Variants in CARMIL1 observed in about 807,000 individuals in gnomAD.
CARMIL1 encodes F-actin-uncapping protein LRRC16A.
Under a neutral mutation model 177.1 loss-of-function variants are expected in CARMIL1, and 90 were observed. The observed-to-expected ratio is 0.51, with a 90% CI of 0.43 to 0.61. The LOEUF (loss-of-function observed/expected upper bound fraction) is 0.61, where lower values mean the gene tolerates loss of function less well. Among genes scored for constraint, CARMIL1 ranks in the 20% least tolerant of loss-of-function variants. CARMIL1 has a pLI of 0.00. For missense variants in CARMIL1, 1,380 were observed against 1,667.0 expected (o/e 0.83, Z 3.00); for synonymous variants, 577 against 606.2 (o/e 0.95, Z 0.71).
In CARMIL1 at chr6:25,572,529, C is replaced by T. The variant is rs116392350; in HGVS notation, c.2743-8395C>T. ...CAGCCTGGGCAACAAGGCAAAACCC[C>T]GTCTCTACAAAAAATACAAAGGTTA... On this transcript the variant is annotated intron_variant, in intron 29 of 36. Transcript: ENST00000329474. Among the ~76,000 whole-genome samples, 754 of 151,826 alleles carry T rather than the reference C, an allele frequency of 5.0e-3. 4 individuals are homozygous for T. Among genetic ancestry groups the T allele is most frequent in the African/African-American group, 0.016 (646 of 41,388 alleles).
chr6:25,305,262 G>T lies in CARMIL1; in HGVS notation c.138+20353G>T, dbSNP rs530415326. 4.6e-5 allele frequency among the ~76,000 whole-genome samples: 7 copies of T among 152,292 alleles called. No individual in the cohort carries two copies. The East Asian group carries it at 9.6e-4, about 21-fold the overall frequency. On this transcript the variant is annotated intron_variant, in intron 2 of 36. Transcript: ENST00000329474. ...AAAGGTTCTTAGGTCTGCAATTTTA[G>T]TTAATAGTGTGGGGCTGAAAAAGCC...
At chr6:25,377,780 A>G (rs1292069761) in intron 2 of CARMIL1, among the ~76,000 whole-genome samples, 1 of 152,154 alleles carries the variant, frequency 6.6e-6, no homozygotes, top group East Asian at 1.9e-4. Context: ...TCCTTCCTGC[A>G]TGTTGTCTTC....
At chr6:25,420,472 A>G (rs1581879513) in intron 3 of CARMIL1, 1 of 299,030 alleles carries the variant, frequency 3.3e-6, no homozygotes, top group Non-Finnish European at 6.3e-6. Context: ...TTTGTGCTCT[A>G]TGTCCCTAAG....
intron 17 of CARMIL1, among the ~76,000 whole-genome samples, chr6:25,504,045 AC>A (rs1431250191): frequency 2.6e-5 from 4 of 152,152 alleles, no homozygotes; most frequent in African/African-American, 9.7e-5. Context: ...ATTGTGAGAT[AC>A]CTTGATGTCA....
At chr6:25,520,736 C>T (rs1460589785) in intron 23 of CARMIL1, among the ~76,000 whole-genome samples, 1 of 152,098 alleles carries the variant, frequency 6.6e-6, no homozygotes, top group East Asian at 1.9e-4. Context: ...TATTCCTGAG[C>T]TCTCACTTTA....
Position 25,580,316 on chromosome 6 carries a change from C to T in CARMIL1, c.2743-608C>T, listed in dbSNP as rs551728191. Among the ~76,000 whole-genome samples the T allele has an allele frequency of 2.0e-5, 3 of 152,292 alleles. No homozygotes were observed. In the South Asian group the frequency reaches 6.2e-4, roughly 32 times the overall value. ...AGTTGACACCAATGCTAGGAAAGTG[C>T]TCTTCAGTTTTGGCCCTTGGTTTGA... On this transcript the variant is annotated intron_variant, in intron 29 of 36. Transcript: ENST00000329474.
intron 2 of CARMIL1, among the ~76,000 whole-genome samples, chr6:25,339,614 T>C (rs1162012274): frequency 6.6e-6 from 1 of 152,186 alleles, no homozygotes; most frequent in Non-Finnish European, 1.5e-5. Flanking sequence ...TTGTGGTCTT[T>C]TTGGCTGTGC....
chr6:25,360,226 C>T (rs1789052547), intron 2 of CARMIL1, among the ~76,000 whole-genome samples: 1 of 152,188 alleles, frequency 6.6e-6, no homozygotes, highest in Admixed American at 6.5e-5. Context: ...CTTCTCCCTC[C>T]TTCCATCAGT....
At chr6:25,530,373 G>A (rs551645588) in intron 24 of CARMIL1, among the ~76,000 whole-genome samples, 1 of 152,206 alleles carries the variant, frequency 6.6e-6, no homozygotes, top group East Asian at 1.9e-4. Context: ...AAAGTAGCCA[G>A]GTGTAGTGGC....
At chr6:25,297,971 T>C (rs1403468683) in intron 2 of CARMIL1, among the ~76,000 whole-genome samples, 1 of 152,238 alleles carries the variant, frequency 6.6e-6, no homozygotes, top group Non-Finnish European at 1.5e-5. Context: ...AATAGGTAAG[T>C]GTGCCTACAT....
At chr6:25,500,035 G>A (rs919805001) in intron 16 of CARMIL1, 131 bp from the exon 17 acceptor site, 12 of 703,718 alleles carry the variant, frequency 1.7e-5, no homozygotes, top group Admixed American at 1.3e-4. Flanking sequence ...AAAGTAAGAG[G>A]GTGCTTGGTG....
Position 25,528,150 on chromosome 6 carries a change from CTA to C in CARMIL1, c.1969-643_1969-642del, listed in dbSNP as rs555647758. 3.1e-3 allele frequency among the ~76,000 whole-genome samples: 477 copies of C among 152,132 alleles called. 1 individual carries two copies. The highest frequency in any genetic ancestry group is 0.011 in the African/African-American group (440 of 41,524). ...CTTTGAATTTTTCATAGTAGATAAT[CTA>C]TGTATAAAAATACAGAAATCTATTT... is the stretch of plus-strand genomic sequence containing the variant. On this transcript the variant is annotated intron_variant, in intron 23 of 36. Transcript: ENST00000329474.
intron 2 of CARMIL1, among the ~76,000 whole-genome samples, chr6:25,320,809 C>T (rs920512949): frequency 6.6e-6 from 1 of 152,224 alleles, no homozygotes; most frequent in Non-Finnish European, 1.5e-5. Context: ...GGTATCCAAT[C>T]TTTTGGCTTC....
intron 2 of CARMIL1, among the ~76,000 whole-genome samples, chr6:25,394,026 C>T (rs955866410): frequency 6.6e-6 from 1 of 152,170 alleles, no homozygotes; most frequent in African/African-American, 2.4e-5. Context: ...ATTTTTCTAA[C>T]ATACAGATAA....
intron 36 of CARMIL1, among the ~76,000 whole-genome samples, chr6:25,617,251 A>G (rs574807096): frequency 2.0e-5 from 3 of 152,138 alleles, no homozygotes; most frequent in Non-Finnish European, 4.4e-5. Context: ...TTGAATTTTA[A>G]TCATGCCTGT....
At chr6:25,474,711 A>G (rs1801383518) in intron 11 of CARMIL1, among the ~76,000 whole-genome samples, 2 of 152,252 alleles carry the variant, frequency 1.3e-5, no homozygotes, top group African/African-American at 4.8e-5. Flanking sequence ...AGGAAAAACA[A>G]ATGTTTCTCT....
At chr6:25,506,196 C>T (rs570321874) in intron 17 of CARMIL1, among the ~76,000 whole-genome samples, 11 of 152,316 alleles carry the variant, frequency 7.2e-5, no homozygotes, top group East Asian at 3.9e-4. Context: ...AAATGTTCCA[C>T]GTGACAGGAT....
chr6:25,411,549 G>GTCTAA (rs1794905488), intron 2 of CARMIL1, among the ~76,000 whole-genome samples: 1 of 152,194 alleles, frequency 6.6e-6, no homozygotes, highest in Non-Finnish European at 1.5e-5. Context: ...GTGTTCACCT[G>GTCTAA]TGGGCGAACA....
At chr6:25,345,235 T>C (rs1787386139) in intron 2 of CARMIL1, among the ~76,000 whole-genome samples, 1 of 152,224 alleles carries the variant, frequency 6.6e-6, no homozygotes, top group Non-Finnish European at 1.5e-5. Flanking sequence ...ATACATTCTT[T>C]ACAGGACTGC....
Sources: allele counts gnomAD v4.1 joint callset (sites outside exome capture counted in the v4.1 genomes callset), GRCh38; gene constraint gnomAD v4.1.1; transcripts MANE v1.5; gene names NCBI Gene and HGNC (gene_info 2026-07-23, HGNC 2026-07-21).